Variants in NT5C2 observed in about 807,000 individuals in gnomAD.
The protein encoded by NT5C2 is cytosolic purine 5'-nucleotidase.
Under a neutral mutation model 76.1 loss-of-function variants are expected in NT5C2, and 58 were observed. The ratio of observed to expected loss-of-function variants is 0.76; its 90% confidence interval spans 0.62 to 0.95. The LOEUF is 0.95. NT5C2 is among the 40% of genes least tolerant of loss of function. The pLI is 0.00. For missense variants in NT5C2, 478 were observed against 690.3 expected (o/e 0.69, Z 3.45); for synonymous variants, 229 against 237.4 (o/e 0.96, Z 0.32).
intron 1 of NT5C2, among the ~76,000 whole-genome samples, chr10:103,189,251 C>G (rs1419778016): frequency 6.6e-6 from 1 of 152,058 alleles, no homozygotes; most frequent in African/African-American, 2.4e-5. Context: ...TTCAAACACA[C>G]AGAAAATAAT....
chr10:103,088,490 T>TTCTC lies in NT5C2; in HGVS notation c.*1178_*1181dup, dbSNP rs2065974147. 6.6e-6 allele frequency: 1 copy of TTCTC among 152,386 alleles called. No individual in the cohort carries two copies. The highest frequency in any genetic ancestry group is 6.5e-5 in the Admixed American group (1 of 15,282). The allele number at this position is 152,386 out of a possible 1,614,324, so 9.4% of individuals were successfully genotyped here. A position where few individuals can be genotyped will look rare whatever the true frequency, so the allele number is the denominator to read the frequency against. ...ACCTCCGCCTCCTGGGTTCAAGCAATTCTCCTGCCTCAGCCTCCTGAGTAG... is the reference window on the plus strand; with the variant it reads ...ACCTCCGCCTCCTGGGTTCAAGCAATTCTCTCTCCTGCCTCAGCCTCCTGAGTAG... On this transcript the variant is annotated 3_prime_UTR_variant, in exon 19 of 19. Coordinates refer to ENST00000404739, the MANE Select transcript of NT5C2 (RefSeq NM_001351169.2).
chr10:103,134,319 T>C (rs2078777955), intron 4 of NT5C2, among the ~76,000 whole-genome samples: 1 of 152,180 alleles, frequency 6.6e-6, no homozygotes, highest in Non-Finnish European at 1.5e-5. Context: ...AGGCTCCCCA[T>C]GCTGTGTGCA....
chr10:103,131,622 T>TAAA (rs952842654), intron 4 of NT5C2, among the ~76,000 whole-genome samples: 1 of 152,186 alleles, frequency 6.6e-6, no homozygotes, highest in African/African-American at 2.4e-5. Context: ...CAGTACTCTT[T>TAAA]AAAAGTCTCA....
chr10:103,173,252 C>T (rs1478780109), intron 3 of NT5C2, among the ~76,000 whole-genome samples: 1 of 152,254 alleles, frequency 6.6e-6, no homozygotes, highest in South Asian at 2.1e-4. Flanking sequence ...ATCTAACACA[C>T]AGTAGCCAGC....
intron 1 of NT5C2, among the ~76,000 whole-genome samples, chr10:103,186,245 T>C (rs1564663000): frequency 1.3e-5 from 2 of 152,132 alleles, no homozygotes; most frequent in East Asian, 1.9e-4. Context: ...ACAGGTAGAG[T>C]TGGAACAAGG....
chr10:103,146,252 C>G, intron 3 of NT5C2: 3 of 985,368 alleles, frequency 3.0e-6, no homozygotes, highest in Non-Finnish European at 3.6e-6. Flanking sequence ...TTGGATATCA[C>G]TGTTGCTCCA....
At chr10:103,163,751 T>C (rs907317750) in intron 3 of NT5C2, among the ~76,000 whole-genome samples, 5 of 149,980 alleles carry the variant, frequency 3.3e-5, no homozygotes, top group African/African-American at 1.2e-4. Flanking sequence ...GCATGGTGGC[T>C]CACACCTGTA....
chr10:103,142,146 C>T (rs1483182996), intron 3 of NT5C2, among the ~76,000 whole-genome samples: 1 of 150,188 alleles, frequency 6.7e-6, no homozygotes, highest in East Asian at 2.0e-4. Flanking sequence ...TTCCAGGGGG[C>T]AAGGATGGGG....
intron 4 of NT5C2, among the ~76,000 whole-genome samples, chr10:103,109,684 C>T (rs2072412269): frequency 6.6e-6 from 1 of 152,160 alleles, no homozygotes; most frequent in Non-Finnish European, 1.5e-5. Flanking sequence ...ACCTTAATTA[C>T]TCCCACCCAC....
chr10:103,111,856 T>C (rs1316513680), intron 4 of NT5C2: 2 of 1,160,956 alleles, frequency 1.7e-6, no homozygotes, highest in East Asian at 6.4e-5. Flanking sequence ...AAACAAAAGC[T>C]GGTTTTAAAA....
chr10:103,176,883 T>G (rs2090074905), intron 2 of NT5C2, among the ~76,000 whole-genome samples: 4 of 152,164 alleles, frequency 2.6e-5, no homozygotes, highest in Non-Finnish European at 4.4e-5. Flanking sequence ...TTTTTTTGAC[T>G]TGGTAAGAAA....
At chr10:103,145,407 T>A (rs1382067124) in intron 3 of NT5C2, among the ~76,000 whole-genome samples, 1 of 152,202 alleles carries the variant, frequency 6.6e-6, no homozygotes, top group Admixed American at 6.5e-5. Context: ...GCTGGCCCAC[T>A]GCCCCATCAT....
chr10:103,089,891 C>CGTTGATTCATGA lies in NT5C2; in HGVS notation c.1455_1466dup (p.His486_Thr489dup). 6.2e-7 allele frequency: 1 copy of CGTTGATTCATGA among 1,604,926 alleles called. No individual in the cohort carries two copies. The highest frequency in any genetic ancestry group is 8.5e-7 in the Non-Finnish European group (1 of 1,175,110). ...TGATATCTACGTGTGTGTGCTCCAC[C>CGTTGATTCATGA]GTTGATTCATGAGGCATCTAGACAG... On this transcript the variant is annotated inframe_insertion, in exon 19 of 19. Transcript: ENST00000404739.
intron 15 of NT5C2, 27 bp downstream of exon 15, chr10:103,093,112 T>A: frequency 6.6e-7 from 1 of 1,521,898 alleles, no homozygotes; most frequent in Non-Finnish European, 8.8e-7. Context: ...AGATATAAAT[T>A]ACACCAAAGA....
At position 103,089,488 on chromosome 10, in the gene NT5C2, G is replaced by C. The variant is rs2066144356; in HGVS notation, c.*184C>G. ...CCATTACAATTTTGGACCATCTGCA[G>C]AGAGTACAGATACACAAAACCAAAA... On this transcript the variant is annotated 3_prime_UTR_variant, in exon 19 of 19. Coordinates refer to ENST00000404739, the MANE Select transcript of NT5C2 (RefSeq NM_001351169.2). 1 of 1,066,322 alleles carries C rather than the reference G, an allele frequency of 9.4e-7. No homozygotes were observed. The highest frequency in any genetic ancestry group is 1.6e-5 in the African/African-American group (1 of 62,384). The allele number at this position is 1,066,322 out of a possible 1,614,324, so 66.1% of individuals were successfully genotyped here.
At chr10:103,111,934 C>A in intron 4 of NT5C2, 1 of 494,696 alleles carries the variant, frequency 2.0e-6, no homozygotes, top group South Asian at 1.1e-4. Flanking sequence ...TACTACTGCC[C>A]TCCAATTTAG....
At chr10:103,167,151 G>C (rs1318059860) in intron 3 of NT5C2, among the ~76,000 whole-genome samples, 1 of 151,692 alleles carries the variant, frequency 6.6e-6, no homozygotes, top group African/African-American at 2.4e-5. Flanking sequence ...GAGTAGCTGG[G>C]ATTACAGGCA....
chr10:103,157,929 T>A (rs962356048), intron 3 of NT5C2, among the ~76,000 whole-genome samples: 2 of 151,722 alleles, frequency 1.3e-5, no homozygotes, highest in Admixed American at 1.3e-4. Flanking sequence ...AATAATTAGC[T>A]GGGCATGGTG....
At chr10:103,173,479 T>C (rs908316063) in intron 3 of NT5C2, among the ~76,000 whole-genome samples, 2 of 151,546 alleles carry the variant, frequency 1.3e-5, no homozygotes, top group African/African-American at 4.9e-5. Context: ...TAGCTGGGCA[T>C]GGTGGCGGGC....
Sources: allele counts gnomAD v4.1 joint callset (sites outside exome capture counted in the v4.1 genomes callset), GRCh38; gene constraint gnomAD v4.1.1; transcripts MANE v1.5; gene names NCBI Gene and HGNC (gene_info 2026-07-23, HGNC 2026-07-21).